MBNL3: variants seen among roughly 807,000 people sequenced by gnomAD.
MBNL3 encodes muscleblind-like protein 3.
Under a neutral mutation model 24.5 loss-of-function variants are expected in MBNL3, and 6 were observed. The observed-to-expected ratio is 0.25, with a 90% confidence interval of 0.13 to 0.48. The LOEUF is 0.48. Ranked by LOEUF, MBNL3 falls within the 20% of genes least tolerant of loss-of-function variation. The pLI, the probability that MBNL3 is intolerant of heterozygous loss-of-function variation, is 0.99. For synonymous variants in MBNL3, 100 were observed against 101.7 expected (o/e 0.98, Z 0.10); for missense variants, 230 against 293.5 (o/e 0.78, Z 1.58).
chrX:132,392,843 C>T (rs947503891), intron 3 of MBNL3, among the ~76,000 whole-genome samples: 10 of 111,248 alleles, frequency 9.0e-5, no homozygotes, highest in Non-Finnish European at 1.9e-4. Context: ...TTCTGTCTTC[C>T]TGGCCCACTG....
chrX:132,387,318 T>TA (rs1936264935), intron 5 of MBNL3, among the ~76,000 whole-genome samples: 1 of 85,268 alleles, frequency 1.2e-5, no homozygotes, highest in African/African-American at 4.5e-5. Context: ...ACATGAGCAG[T>TA]AGTGCAAAAC....
intron 2 of MBNL3, chrX:132,437,848 A>T: frequency 2.3e-6 from 1 of 441,375 alleles, no homozygotes; most frequent in East Asian, 1.9e-4. Flanking sequence ...TTTAGTCATA[A>T]TGTCTACCAC....
At chrX:132,408,115 T>TACCAA (rs1942139783) in intron 2 of MBNL3, among the ~76,000 whole-genome samples, 1 of 47,227 alleles carries the variant, frequency 2.1e-5, no homozygotes, top group Non-Finnish European at 4.3e-5. Flanking sequence ...TTTTTTTTTT[T>TACCAA]TTTTTTTTTT....
Position 132,478,223 on chromosome X carries a change from CG to C in MBNL3, c.-704+10627del, listed in dbSNP as rs1318715479. Among the ~76,000 whole-genome samples the C allele has an allele frequency of 2.7e-5, 3 of 111,126 alleles. No homozygotes were observed. In the East Asian group the frequency reaches 8.4e-4, roughly 31 times the overall value. On this transcript the variant is annotated intron_variant, in intron 1 of 8. Transcript: ENST00000370853. ...GTTGTTGTTGTCGTTGTTAAACATC[CG>C]TTTTTGGCTTTTGTTCCCAGATAGT...
chrX:132,430,960 G>C (rs1056683750), intron 2 of MBNL3: 1 of 110,889 alleles, frequency 9.0e-6, no homozygotes, highest in Non-Finnish European at 1.9e-5. Context: ...GTATAGACAG[G>C]GTCTCGCTAT....
chrX:132,379,562 C>A lies in MBNL3; in HGVS notation c.*104G>T. ...GCTTTGCTTAATACATTGACTGCAA[C>A]ACGCTTATTGTTGTGTTGGTAGAAT... On this transcript the variant is annotated 3_prime_UTR_variant, in exon 9 of 9. Transcript: ENST00000370853. The A allele has an allele frequency of 1.2e-6, 1 of 857,099 alleles. No homozygotes were observed. The highest frequency in any genetic ancestry group is 1.6e-6 in the Non-Finnish European group (1 of 618,835). 70.6% of individuals were successfully genotyped at this position (857,099 alleles called of 1,213,427 possible).
Position 132,402,352 on chromosome X carries a change from CAT to C in MBNL3, c.342+3874_342+3875del, listed in dbSNP as rs1383762088. Among the ~76,000 whole-genome samples the C allele has an allele frequency of 8.9e-5, 10 of 111,961 alleles. No individual in the cohort carries two copies. In the East Asian group the frequency reaches 2.8e-3, roughly 31 times the overall value. ...AAAACATTTTAACAGCCTGTAATAT[CAT>C]ATTCACTTTATAAATACATACACCA... On this transcript the variant is annotated intron_variant, in intron 3 of 8. Coordinates refer to ENST00000370853, the MANE Select transcript of MBNL3 (RefSeq NM_001386889.1).
intron 3 of MBNL3, among the ~76,000 whole-genome samples, chrX:132,394,199 A>G (rs1362503726): frequency 1.8e-5 from 2 of 111,687 alleles, no homozygotes; most frequent in East Asian, 5.6e-4. Context: ...AGGACTCTAA[A>G]GTCTGGGGGC....
rs1945305959 is a variant in MBNL3, at chrX:132,439,707, A to G, written c.-96T>C. Reference sequence around the variant, plus strand: ...AAATGAATTCAAACTAAGTGCGAAGAGATAACAGGTTGCTTTGGTGAAATG... The same window carrying G: ...AAATGAATTCAAACTAAGTGCGAAGGGATAACAGGTTGCTTTGGTGAAATG... On this transcript the variant is annotated 5_prime_UTR_variant, in exon 2 of 9. Coordinates refer to ENST00000370853, the MANE Select transcript of MBNL3 (RefSeq NM_001386889.1). 2 of 1,050,513 alleles carry G rather than the reference A, an allele frequency of 1.9e-6. No homozygotes were observed. The highest frequency in any genetic ancestry group is 3.8e-5 in the Admixed American group (1 of 26,358). 86.6% of individuals were successfully genotyped at this position (1,050,513 alleles called of 1,213,427 possible). A position where few individuals can be genotyped will look rare whatever the true frequency, so the allele number is the denominator to read the frequency against.
intron 2 of MBNL3, among the ~76,000 whole-genome samples, chrX:132,435,463 A>G (rs1295037148): frequency 1.3e-4 from 14 of 111,079 alleles, no homozygotes; most frequent in Non-Finnish European, 5.7e-5. Flanking sequence ...GTTTCTGGTA[A>G]ACTTTCCCTT....
chrX:132,472,492 G>A (rs1245562411), intron 1 of MBNL3, among the ~76,000 whole-genome samples: 1 of 111,910 alleles, frequency 8.9e-6, no homozygotes, highest in Non-Finnish European at 1.9e-5. Context: ...CTAAAATGCA[G>A]CTGGGCAGAG....
intron 3 of MBNL3, among the ~76,000 whole-genome samples, chrX:132,400,910 A>T (rs972902462): frequency 8.9e-6 from 1 of 112,267 alleles, no homozygotes; most frequent in Non-Finnish European, 1.9e-5. Context: ...TTATAATTAC[A>T]TAATGCTTGT....
At chrX:132,443,398 C>G (rs1945491957) in intron 1 of MBNL3, among the ~76,000 whole-genome samples, 1 of 111,900 alleles carries the variant, frequency 8.9e-6, no homozygotes, top group Admixed American at 9.5e-5. Flanking sequence ...GAATCTTAAA[C>G]AAGAGAAACC....
intron 2 of MBNL3, among the ~76,000 whole-genome samples, chrX:132,428,865 C>G (rs767954874): frequency 8.9e-6 from 1 of 112,620 alleles, no homozygotes; most frequent in African/African-American, 3.2e-5. Flanking sequence ...TTCATTTCAG[C>G]TATGCTACAT....
At chrX:132,479,813 C>G (rs1037461089) in intron 1 of MBNL3, among the ~76,000 whole-genome samples, 1 of 111,200 alleles carries the variant, frequency 9.0e-6, no homozygotes, top group South Asian at 3.8e-4. Context: ...CATCCCCCCA[C>G]CAAATTTGGA....
chrX:132,408,603 A>G (rs1838098117), intron 2 of MBNL3, among the ~76,000 whole-genome samples: 1 of 111,942 alleles, frequency 8.9e-6, no homozygotes, highest in South Asian at 3.7e-4. Context: ...TATTTGGCAC[A>G]TTTCCTGCCA....
chrX:132,467,401 G>A (rs1946944829), intron 1 of MBNL3, among the ~76,000 whole-genome samples: 2 of 112,108 alleles, frequency 1.8e-5, no homozygotes, highest in Non-Finnish European at 3.8e-5. Context: ...AAGACTATTT[G>A]TTGGTAAGTT....
At chrX:132,466,032 GTTC>G (rs1362515543) in intron 1 of MBNL3, among the ~76,000 whole-genome samples, 1 of 111,837 alleles carries the variant, frequency 8.9e-6, no homozygotes, top group African/African-American at 3.2e-5. Context: ...TTCACATACA[GTTC>G]TTATTACAGC....
intron 1 of MBNL3, among the ~76,000 whole-genome samples, chrX:132,463,488 A>C (rs1364601700): frequency 9.0e-6 from 1 of 111,635 alleles, no homozygotes; most frequent in Non-Finnish European, 1.9e-5. Context: ...CAAAAGGAAT[A>C]TTTACATTGA....
Sources: gnomAD v4.1 joint callset for allele counts (sites outside exome capture counted in the v4.1 genomes callset) on GRCh38, gnomAD v4.1.1 for gene constraint, MANE v1.5 for transcripts, NCBI Gene and HGNC (gene_info 2026-07-23, HGNC 2026-07-21) for gene names.